Variants in FBXL20 observed in about 807,000 individuals in gnomAD.
FBXL20 encodes F-box/LRR-repeat protein 20.
A neutral mutation model predicts 64.0 loss-of-function variants in FBXL20; 11 were observed. That is an observed-to-expected ratio of 0.17 (90% CI 0.11 to 0.28). FBXL20 has a LOEUF of 0.28. Ranked by LOEUF, FBXL20 falls within the 10% of genes least tolerant of loss-of-function variation. The pLI is 1.00. For missense variants in FBXL20, 303 were observed against 526.2 expected (o/e 0.58, Z 4.15); for synonymous variants, 184 against 189.0 (o/e 0.97, Z 0.22).
At chr17:39,358,018 TTTA>T (rs2047758921) in intron 1 of FBXL20, among the ~76,000 whole-genome samples, 1 of 152,192 alleles carries the variant, frequency 6.6e-6, no homozygotes, top group African/African-American at 2.4e-5. Flanking sequence ...TATGAAGAGA[TTTA>T]TTATAAGAAC....
intron 2 of FBXL20, among the ~76,000 whole-genome samples, chr17:39,323,686 C>T (rs968813316): frequency 2.6e-5 from 4 of 152,134 alleles, no homozygotes; most frequent in Admixed American, 2.0e-4. Context: ...CCTTAAAATA[C>T]AGGACACACC....
At chr17:39,367,505 C>G (rs1337432325) in intron 1 of FBXL20, among the ~76,000 whole-genome samples, 2 of 151,328 alleles carry the variant, frequency 1.3e-5, no homozygotes, top group Non-Finnish European at 2.9e-5. Context: ...TTGGTAGAGA[C>G]AGGGTTTCAC....
intron 1 of FBXL20, among the ~76,000 whole-genome samples, chr17:39,370,094 T>C (rs1467724572): frequency 6.6e-6 from 1 of 150,994 alleles, no homozygotes; most frequent in Non-Finnish European, 1.5e-5. Flanking sequence ...CTGGACAACA[T>C]AGCAAAACTC....
At position 39,260,519 on chromosome 17, in the gene FBXL20, T is replaced by C. The variant is rs1407000127; in HGVS notation, c.*941A>G. On this transcript the variant is annotated 3_prime_UTR_variant, in exon 15 of 15. Transcript: ENST00000264658. ...TTTTCATCAAAACAGTTTCTTCTCATAACTTTTCTTGCTTTCATTAGAGTT... is the reference window on the plus strand; with the variant it reads ...TTTTCATCAAAACAGTTTCTTCTCACAACTTTTCTTGCTTTCATTAGAGTT... The C allele has an allele frequency of 6.6e-6, 1 of 152,200 alleles. No homozygotes were observed. Among genetic ancestry groups the C allele is most frequent in the Admixed American group, 6.5e-5 (1 of 15,280 alleles). 9.4% of individuals were successfully genotyped at this position (152,200 alleles called of 1,614,324 possible).
At chr17:39,317,985 C>A (rs2047313650) in intron 2 of FBXL20, among the ~76,000 whole-genome samples, 1 of 151,964 alleles carries the variant, frequency 6.6e-6, no homozygotes, top group Admixed American at 6.6e-5. Context: ...CAGGCGTGAG[C>A]CACCGCTCGC....
chr17:39,402,530 C>A (rs2048260173), upstream of FBXL20: 1 of 147,708 alleles, frequency 6.8e-6, no homozygotes, highest in Non-Finnish European at 1.5e-5. Flanking sequence ...TGGCCGGGGT[C>A]GGGGCGCGCG....
At chr17:39,346,230 T>TG (rs556076842) in intron 1 of FBXL20, among the ~76,000 whole-genome samples, 84 of 146,492 alleles carry the variant, frequency 5.7e-4, no homozygotes, top group African/African-American at 1.7e-3. Context: ...AGCTATTTGG[T>TG]GGGGGGGTGC....
chr17:39,307,970 C>CAA (rs141151872), intron 2 of FBXL20, among the ~76,000 whole-genome samples: 14 of 87,640 alleles, frequency 1.6e-4, no homozygotes, highest in South Asian at 4.2e-4. Context: ...GACATCATTT[C>CAA]AAAAAAAAAA....
At chr17:39,327,670 A>G (rs927408519) in intron 2 of FBXL20, among the ~76,000 whole-genome samples, 14 of 152,194 alleles carry the variant, frequency 9.2e-5, no homozygotes, top group Non-Finnish European at 1.6e-4. Context: ...TAAAAAAAAT[A>G]CATCTACAAC....
intron 13 of FBXL20, 132 bp downstream of exon 13, chr17:39,265,265 A>G: frequency 1.5e-6 from 1 of 645,576 alleles, no homozygotes; most frequent in South Asian, 2.1e-5. Context: ...TTTGGTTCTC[A>G]GTAAGCTGGC....
At chr17:39,325,013 G>C (rs942413373) in intron 2 of FBXL20, among the ~76,000 whole-genome samples, 1 of 152,310 alleles carries the variant, frequency 6.6e-6, no homozygotes, top group African/African-American at 2.4e-5. Flanking sequence ...TCTGAGACCA[G>C]CCTGGAGAAT....
intron 2 of FBXL20, among the ~76,000 whole-genome samples, chr17:39,305,186 AT>A (rs1351183770): frequency 6.6e-6 from 1 of 152,256 alleles, no homozygotes; most frequent in Non-Finnish European, 1.5e-5. Context: ...CAAAATATAA[AT>A]TAAAAAAAGT....
In FBXL20 at chr17:39,361,040, A is replaced by C. The variant is rs377064248; in HGVS notation, c.43-17799T>G. ...CAGCCTTTGCCTGCTACCTGATCCT[A>C]AAGTCAGTGCCACATTCTAGGTTTT... is the stretch of plus-strand genomic sequence containing the variant. On this transcript the variant is annotated intron_variant, in intron 1 of 14. Coordinates refer to ENST00000264658, the MANE Select transcript of FBXL20 (RefSeq NM_032875.3). Among the ~76,000 whole-genome samples the C allele has an allele frequency of 8.0e-4, 122 of 152,266 alleles. 1 individual carries two copies. The highest frequency in any genetic ancestry group is 2.9e-3 in the African/African-American group (119 of 41,564).
At chr17:39,320,849 G>A (rs1269477535) in intron 2 of FBXL20, among the ~76,000 whole-genome samples, 1 of 152,000 alleles carries the variant, frequency 6.6e-6, no homozygotes, top group Non-Finnish European at 1.5e-5. Context: ...ACTGGCCTTG[G>A]TCTCCCAGAA....
intron 1 of FBXL20, among the ~76,000 whole-genome samples, chr17:39,376,185 T>A (rs1172672346): frequency 2.0e-5 from 3 of 152,014 alleles, no homozygotes; most frequent in Non-Finnish European, 2.9e-5. Flanking sequence ...ATGGAACAGA[T>A]CTGATTCCCA....
At chr17:39,266,993 T>C (rs1455346864) in intron 12 of FBXL20, among the ~76,000 whole-genome samples, 1 of 151,810 alleles carries the variant, frequency 6.6e-6, no homozygotes, top group Non-Finnish European at 1.5e-5. Flanking sequence ...TAGTTCACGC[T>C]TGTAATCCCA....
At chr17:39,400,966 C>T (rs996485849) in intron 1 of FBXL20, among the ~76,000 whole-genome samples, 2 of 152,352 alleles carry the variant, frequency 1.3e-5, no homozygotes, top group South Asian at 4.1e-4. Flanking sequence ...CCTCCCTCAA[C>T]AGACAACAAA....
chr17:39,283,371 A>G (rs1289234962), intron 7 of FBXL20, among the ~76,000 whole-genome samples: 1 of 152,200 alleles, frequency 6.6e-6, no homozygotes, highest in African/African-American at 2.4e-5. Context: ...CCCAGTGAGC[A>G]GTTCCTTTGA....
intron 1 of FBXL20, 79 bp downstream of exon 1, chr17:39,401,282 C>A: frequency 4.4e-6 from 7 of 1,606,466 alleles, no homozygotes; most frequent in Middle Eastern, 3.5e-4. Context: ...AGGGAGGAGG[C>A]TCCGTGCGGA....
Sources: allele counts gnomAD v4.1 joint callset (sites outside exome capture counted in the v4.1 genomes callset), GRCh38; gene constraint gnomAD v4.1.1; transcripts MANE v1.5; gene names NCBI Gene and HGNC (gene_info 2026-07-23, HGNC 2026-07-21).